C19orf84: variants seen among roughly 807,000 people sequenced by gnomAD.
C19orf84 encodes the protein piRNA-mediated silencing protein C19orf84.
In C19orf84, 1 loss-of-function variant was observed where a neutral mutation model predicts 4.0. That is an observed-to-expected ratio of 0.25 (90% confidence interval 0.09 to 1.19). The LOEUF is 1.19. Ranked by LOEUF, C19orf84 falls within the 50% of genes most tolerant of loss-of-function variation. The probability of loss-of-function intolerance (pLI) is 0.50; values close to 1 mark genes in which losing one functional copy is unlikely to be tolerated. For synonymous variants in C19orf84, 123 were observed against 109.6 expected, an observed-to-expected ratio of 1.12 and a Z score of -0.76; for missense variants, 224 against 246.8, an observed-to-expected ratio of 0.91 and a Z score of 0.62.
rs762005605 is a variant in C19orf84 at position 51,389,129 on chromosome 19, C to A, written c.416G>T (p.Gly139Val). ...TGGGGTCCTGGGGCCAGCCCCAGGG[C>A]CCCCCGCCCGGCCCCTCTCTGGCTG... is the stretch of plus-strand genomic sequence containing the variant. ...AEQPERGRAG[G>V]PGAGPRTPPM... is the part of the protein sequence containing the mutation. Residue 139 changes from glycine (G) to valine (V), a missense_variant, in exon 2 of 2, where the codon GGC (glycine) becomes GTC (valine). By Grantham distance (109) the Gly-to-Val change is moderately radical. Transcript: ENST00000574814. The surrounding 1 kb of genome is among the most constrained non-coding windows in gnomAD (Gnocchi z 4.7). The A allele has an allele frequency of 6.5e-6, 10 of 1,535,822 alleles. No homozygotes were observed. Among genetic ancestry groups the A allele is most frequent in the Non-Finnish European group, 8.7e-6 (10 of 1,146,802 alleles).
rs541018999 is a variant in C19orf84, at chr19:51,389,609, C to T, written c.36-100G>A. 5.9e-6 allele frequency: 6 copies of T among 1,018,344 alleles called. No homozygotes were observed. Among genetic ancestry groups the T allele is most frequent in the Admixed American group, 3.7e-5 (1 of 26,956 alleles). The allele number at this position is 1,018,344 out of a possible 1,614,324, so 63.1% of individuals were successfully genotyped here. A position where few individuals can be genotyped will look rare whatever the true frequency, so the allele number is the denominator to read the frequency against. ...CTGCACCTCTGCAGAAGGCAGCCAT[C>T]TCTCCATCCTCAGTGCCCACCTGTG... On this transcript the variant is annotated intron_variant, in intron 1 of 1. Transcript: ENST00000574814. The surrounding 1 kb of genome is among the most constrained non-coding windows in gnomAD (Gnocchi z 4.7).
chr19:51,388,903 C>T lies in C19orf84; in HGVS notation c.*81G>A, dbSNP rs1987182510. ...ATGGAAGATGTTTCTTGGGGTTCTT[C>T]TGACAGGGCTGAGATCACTCTGGGC... is the stretch of plus-strand genomic sequence containing the variant. On this transcript the variant is annotated 3_prime_UTR_variant, in exon 2 of 2. Coordinates refer to ENST00000574814, the MANE Select transcript of C19orf84 (RefSeq NM_001193623.2). The T allele has an allele frequency of 6.9e-7, 1 of 1,444,422 alleles. No homozygotes were observed. Among genetic ancestry groups the T allele is most frequent in the African/African-American group, 1.4e-5 (1 of 69,948 alleles). 89.5% of individuals were successfully genotyped at this position (1,444,422 alleles called of 1,614,324 possible). A position where few individuals can be genotyped will look rare whatever the true frequency, so the allele number is the denominator to read the frequency against.
chr19:51,390,342 A>G (rs562401678), intron 1 of C19orf84, 136 bp downstream of exon 1: 205 of 735,704 alleles, frequency 2.8e-4, no homozygotes, highest in Middle Eastern at 5.2e-4. Context: ...TACCTATGTG[A>G]TGATACCTGA....
rs992357614 is a variant in C19orf84, at chr19:51,390,504, T to G, written c.9A>C (p.Gln3His). Residue 3 changes from glutamine (Q) to histidine (H), a missense_variant, in exon 1 of 2, where the codon CAA becomes CAC. Coordinates refer to ENST00000574814, the MANE Select transcript of C19orf84 (RefSeq NM_001193623.2). ME[Q>H]PKDGAGPEGN... is the part of the protein sequence containing the mutation. ...CTTCAGGCCCAGCCCCGTCCTTTGG[T>G]TGTTCCATCTCCACTGGGGCCCTCT... is the stretch of plus-strand genomic sequence containing the variant. 6.5e-7 allele frequency: 1 copy of G among 1,532,226 alleles called. No individual in the cohort carries two copies. Among genetic ancestry groups the G allele is most frequent in the African/African-American group, 1.4e-5 (1 of 72,730 alleles). 94.9% of individuals were successfully genotyped at this position (1,532,226 alleles called of 1,614,324 possible).
rs181306018 is a variant in C19orf84, at chr19:51,389,552, G to A, written c.36-43C>T. 3.1e-4 allele frequency: 419 copies of A among 1,359,408 alleles called. 1 individual carries two copies. In the African/African-American group the frequency reaches 5.5e-3, roughly 18 times the overall value. 84.2% of individuals were successfully genotyped at this position (1,359,408 alleles called of 1,614,324 possible). A position where few individuals can be genotyped will look rare whatever the true frequency, so the allele number is the denominator to read the frequency against. On this transcript the variant is annotated intron_variant, in intron 1 of 1. Transcript: ENST00000574814. The surrounding 1 kb of genome is among the most constrained non-coding windows in gnomAD (Gnocchi z 4.7). ...CAGGTCAGTGGGGCTCAGCGTCTCC[G>A]TACTTTCTTGTTTCTCGCTGCCAGG...
At position 51,389,274 on chromosome 19, in the gene C19orf84, C is replaced by T; in HGVS notation, c.271G>A (p.Ala91Thr). 6.5e-7 allele frequency: 1 copy of T among 1,535,854 alleles called. No homozygotes were observed. Among genetic ancestry groups the T allele is most frequent in the Non-Finnish European group, 8.7e-7 (1 of 1,146,738 alleles). The change falls in exon 2 of 2, where the codon GCA becomes ACA. Residue 91 changes from alanine to threonine, a missense_variant. Physicochemically the swap from Ala to Thr is moderately conservative, Grantham distance 58. Coordinates refer to ENST00000574814, the MANE Select transcript of C19orf84 (RefSeq NM_001193623.2). The surrounding 1 kb of genome is among the most constrained non-coding windows in gnomAD (Gnocchi z 4.7). ...ACTGCCCCCGGCTGGGAGTGGCCTG[C>T]CTGGGAGCAGCAGGGGCAAGAGGGC... ...ALPSCPCCSQ[A>T]GHSQPGAVRR...
rs1459121480 is a variant in C19orf84, at chr19:51,388,618, A to C, written c.*366T>G. ...ACAGGGTATTGAGAGTGGGGAAGAG[A>C]GAGGCAGGTAGGAGTGGCTTTGGGA... On this transcript the variant is annotated 3_prime_UTR_variant, in exon 2 of 2. Transcript: ENST00000574814. The C allele has an allele frequency of 1.4e-5, 4 of 277,730 alleles. No homozygotes were observed. In the East Asian group the frequency reaches 3.8e-4, roughly 27 times the overall value. 17.2% of individuals were successfully genotyped at this position (277,730 alleles called of 1,614,324 possible).
At position 51,389,778 on chromosome 19, in the gene C19orf84, T is replaced by C. The variant is rs866542939; in HGVS notation, c.36-269A>G. 1.9e-4 allele frequency among the ~76,000 whole-genome samples: 29 copies of C among 152,304 alleles called. No homozygotes were observed. The Middle Eastern group carries it at 0.01, about 54-fold the overall frequency. On this transcript the variant is annotated intron_variant, in intron 1 of 1. Transcript: ENST00000574814. This position sits in a 1 kb window ranked among gnomAD's most constrained non-coding sequence, Gnocchi z 4.7. Reference sequence around the variant, plus strand: ...TTTTGGTGGTGTATCTTTGGACAAATCATTTTCCTATTCCGAACCTTAATT... The same window carrying C: ...TTTTGGTGGTGTATCTTTGGACAAACCATTTTCCTATTCCGAACCTTAATT...
Position 51,389,029 on chromosome 19 carries a change from G to C in C19orf84, c.516C>G (p.Pro172=), listed in dbSNP as rs1264823006. 2.0e-6 allele frequency: 3 copies of C among 1,536,058 alleles called. No homozygotes were observed. The highest frequency in any genetic ancestry group is 2.6e-6 in the Non-Finnish European group (3 of 1,146,882). Residue 172 remains proline (P), a synonymous_variant, in exon 2 of 2, where the codon CCC becomes CCG. Transcript: ENST00000574814. This position sits in a 1 kb window ranked among gnomAD's most constrained non-coding sequence, Gnocchi z 4.7. The part of the protein sequence containing the change: ...GKKEARGPEP[P]LETPLAAEDW... ...CCTCAGCAGCCAGTGGTGTTTCCAG[G>C]GGTGGCTCTGGACCTCGAGCTTCTT...
rs574892599 is a variant in C19orf84 at position 51,390,535 on chromosome 19, A to G, written c.-23T>C. 1.3e-6 allele frequency: 2 copies of G among 1,515,956 alleles called. No individual in the cohort carries two copies. The highest frequency in any genetic ancestry group is 2.5e-5 in the East Asian group (1 of 39,224). 93.9% of individuals were successfully genotyped at this position (1,515,956 alleles called of 1,614,324 possible). On this transcript the variant is annotated 5_prime_UTR_variant, in exon 1 of 2. Coordinates refer to ENST00000574814, the MANE Select transcript of C19orf84 (RefSeq NM_001193623.2). ...CATCTCCACTGGGGCCCTCTTACGTATCTTCTAGCAACTTCGCCTCCGAGA... is the reference window on the plus strand; with the variant it reads ...CATCTCCACTGGGGCCCTCTTACGTGTCTTCTAGCAACTTCGCCTCCGAGA...
In C19orf84 at chr19:51,390,572, C is replaced by T; in HGVS notation, c.-60G>A. 1 of 1,497,462 alleles carries T rather than the reference C, an allele frequency of 6.7e-7. No individual in the cohort carries two copies. The highest frequency in any genetic ancestry group is 8.9e-7 in the Non-Finnish European group (1 of 1,124,404). The allele number at this position is 1,497,462 out of a possible 1,614,324, so 92.8% of individuals were successfully genotyped here. On this transcript the variant is annotated 5_prime_UTR_variant, in exon 1 of 2. Transcript: ENST00000574814. ...CTTCGCCTCCGAGATCCTTCGGGGG[C>T]CCGGGAAGGTTGGGGAGGGGCCGAG...
In C19orf84 at chr19:51,389,529, G is replaced by A; in HGVS notation, c.36-20C>T. 7.1e-7 allele frequency: 1 copy of A among 1,400,346 alleles called. No individual in the cohort carries two copies. The allele number at this position is 1,400,346 out of a possible 1,614,324, so 86.7% of individuals were successfully genotyped here. A position where few individuals can be genotyped will look rare whatever the true frequency, so the allele number is the denominator to read the frequency against. ...TTGTTCCTAGAACAACAAAAAGACA[G>A]GTCAGTGGGGCTCAGCGTCTCCGTA... On this transcript the variant is annotated intron_variant, in intron 1 of 1. Transcript: ENST00000574814. The surrounding 1 kb of genome is among the most constrained non-coding windows in gnomAD (Gnocchi z 4.7).
At position 51,388,916 on chromosome 19, in the gene C19orf84, G is replaced by T; in HGVS notation, c.*68C>A. On this transcript the variant is annotated 3_prime_UTR_variant, in exon 2 of 2. Coordinates refer to ENST00000574814, the MANE Select transcript of C19orf84 (RefSeq NM_001193623.2). ...CTTGGGGTTCTTCTGACAGGGCTGA[G>T]ATCACTCTGGGCCCCAGGAAAACCC... The T allele has an allele frequency of 1.3e-6, 2 of 1,495,510 alleles. No homozygotes were observed. The highest frequency in any genetic ancestry group is 1.8e-6 in the Non-Finnish European group (2 of 1,117,426). The allele number at this position is 1,495,510 out of a possible 1,614,324, so 92.6% of individuals were successfully genotyped here.
At chr19:51,390,419 C>T in intron 1 of C19orf84, 59 bp downstream of exon 1, 1 of 1,495,246 alleles carries the variant, frequency 6.7e-7, no homozygotes, top group Non-Finnish European at 8.9e-7. Flanking sequence ...CTCGTTTTCT[C>T]TGTCCCCTCC....
Position 51,389,469 on chromosome 19 carries a change from G to T in C19orf84, c.76C>A (p.Pro26Thr), listed in dbSNP as rs1354812946. Residue 26 changes from proline (P) to threonine (T), a missense_variant, in exon 2 of 2, where the codon CCC (proline) becomes ACC (threonine). Pro to Thr is a conservative substitution (Grantham distance 38). Transcript: ENST00000574814. The surrounding 1 kb of genome is among the most constrained non-coding windows in gnomAD (Gnocchi z 4.7). ...GGAGGGGCTGGGAGAGGCGCAGGGG[G>T]CCATGGCTCGGTCCCAGATGACGGC... Reference protein sequence around the residue: ...SLPSSGTEPWPPAPLPAPPPL... With the variant: ...SLPSSGTEPWTPAPLPAPPPL... 28 of 1,435,664 alleles carry T rather than the reference G, an allele frequency of 2.0e-5. No homozygotes were observed. Among genetic ancestry groups the T allele is most frequent in the Non-Finnish European group, 2.5e-5 (27 of 1,098,552 alleles). 88.9% of individuals were successfully genotyped at this position (1,435,664 alleles called of 1,614,324 possible).
chr19:51,390,457 G>A, intron 1 of C19orf84, 21 bp downstream of exon 1: 2 of 1,532,022 alleles, frequency 1.3e-6, no homozygotes, highest in Non-Finnish European at 1.7e-6. Flanking sequence ...CCCCCTCTCA[G>A]GAGGTCTTTG....
rs370498668 is a variant in C19orf84 at position 51,388,984 on chromosome 19, C to G, written c.561G>C (p.Ter187TyrextTer8). The G allele has an allele frequency of 5.9e-6, 9 of 1,535,916 alleles. No individual in the cohort carries two copies. The African/African-American group carries it at 1.1e-4, about 19-fold the overall frequency. Reference protein sequence around the residue: ...LAAEDWETEY* With the variant: ...LAAEDWETEYY The stretch of plus-strand genomic sequence containing the variant: ...CTCAGGTGCCTGACCCTCCAAGGTC[C>G]TAGTACTCTGTCTCCCAGTCCTCAG... The change falls in exon 2 of 2, where the codon TAG becomes TAC. Residue 187 changes from the stop codon to tyrosine, a stop_lost. Transcript: ENST00000574814.
At position 51,389,203 on chromosome 19, in the gene C19orf84, C is replaced by T. The variant is rs1421632000; in HGVS notation, c.342G>A (p.Arg114=). 1.3e-6 allele frequency: 2 copies of T among 1,534,514 alleles called. No individual in the cohort carries two copies. The highest frequency in any genetic ancestry group is 2.4e-5 in the South Asian group (2 of 83,956). ...GATGCAGGCCTCGGCCCCAGCCTGG[C>T]CTGTGCCTGACTTCCCAGCCTCCGC... ...RGRGGWEVRH[R]PGWGRGLHRR... The change falls in exon 2 of 2, where the codon AGG becomes AGA. Residue 114 remains arginine, a synonymous_variant. Coordinates refer to ENST00000574814, the MANE Select transcript of C19orf84 (RefSeq NM_001193623.2). The surrounding 1 kb of genome is among the most constrained non-coding windows in gnomAD (Gnocchi z 4.7).
chr19:51,388,877 G>A lies in C19orf84; in HGVS notation c.*107C>T. On this transcript the variant is annotated 3_prime_UTR_variant, in exon 2 of 2. Coordinates refer to ENST00000574814, the MANE Select transcript of C19orf84 (RefSeq NM_001193623.2). ...GATTGTGGTTTTGGGGAGAGGGGAG[G>A]ATGGAAGATGTTTCTTGGGGTTCTT... is the stretch of plus-strand genomic sequence containing the variant. The A allele has an allele frequency of 2.3e-6, 3 of 1,277,022 alleles. No individual in the cohort carries two copies. Among genetic ancestry groups the A allele is most frequent in the Non-Finnish European group, 3.2e-6 (3 of 943,504 alleles). The allele number at this position is 1,277,022 out of a possible 1,614,324, so 79.1% of individuals were successfully genotyped here. A position where few individuals can be genotyped will look rare whatever the true frequency, so the allele number is the denominator to read the frequency against.
Sources: allele counts gnomAD v4.1 joint callset (sites outside exome capture counted in the v4.1 genomes callset), GRCh38; gene constraint gnomAD v4.1.1; non-coding constraint Gnocchi (gnomAD v3.1); transcripts MANE v1.5; gene names NCBI Gene and HGNC (gene_info 2026-07-23, HGNC 2026-07-21).